The following TMEM87B variants were observed in gnomAD, a reference collection of about 807,000 sequenced individuals.
TMEM87B encodes transmembrane protein 87B.
A neutral mutation model predicts 80.3 loss-of-function variants in TMEM87B; 83 were observed. The observed-to-expected ratio is 1.03, with a 90% CI of 0.87 to 1.24. TMEM87B has a LOEUF of 1.24. Among genes scored for constraint, TMEM87B ranks in the 50% most tolerant of loss-of-function variants. The pLI, the probability that TMEM87B is intolerant of heterozygous loss-of-function variation, is 0.00. For synonymous variants in TMEM87B, 219 were observed against 230.5 expected (o/e 0.95, Z 0.45); for missense variants, 625 against 674.4 (o/e 0.93, Z 0.81).
chr2:112,074,249 T>TA (rs1678743721), intron 4 of TMEM87B, among the ~76,000 whole-genome samples: 1 of 152,226 alleles, frequency 6.6e-6, no homozygotes, highest in Non-Finnish European at 1.5e-5. Flanking sequence ...GGAGCTCTTG[T>TA]AAGGCAGGTC....
chr2:112,109,429 T>G (rs1419039972), intron 17 of TMEM87B, among the ~76,000 whole-genome samples: 1 of 152,164 alleles, frequency 6.6e-6, no homozygotes, highest in Non-Finnish European at 1.5e-5. Flanking sequence ...TATTTACTTT[T>G]CCTTCCTTTT....
At chr2:112,080,012 C>G (rs895627924) in intron 6 of TMEM87B, among the ~76,000 whole-genome samples, 1 of 145,648 alleles carries the variant, frequency 6.9e-6, no homozygotes, top group Non-Finnish European at 1.5e-5. Flanking sequence ...TCACTGCAAC[C>G]TCCACCTCCT....
In TMEM87B at chr2:112,091,870, C is replaced by A. The variant is rs1172163659; in HGVS notation, c.1104+87C>A. On this transcript the variant is annotated intron_variant, in intron 11 of 18. Transcript: ENST00000283206. ...TTTGTAATAACAATAGAAAGAAATACAGTTATGCATTTTTGTTACCTTAAT... is the reference window on the plus strand; with the variant it reads ...TTTGTAATAACAATAGAAAGAAATAAAGTTATGCATTTTTGTTACCTTAAT... 4 of 1,085,024 alleles carry A rather than the reference C, an allele frequency of 3.7e-6. No homozygotes were observed. The East Asian group carries it at 9.8e-5, about 27-fold the overall frequency. 67.2% of individuals were successfully genotyped at this position (1,085,024 alleles called of 1,614,324 possible).
At chr2:112,069,587 T>C (rs1558831638) in intron 4 of TMEM87B, among the ~76,000 whole-genome samples, 2 of 152,248 alleles carry the variant, frequency 1.3e-5, no homozygotes, top group African/African-American at 4.8e-5. Context: ...TTTAGGTTGA[T>C]TCCATATCTT....
At chr2:112,062,542 G>T (rs1420462769) in intron 2 of TMEM87B, among the ~76,000 whole-genome samples, 1 of 152,220 alleles carries the variant, frequency 6.6e-6, no homozygotes, top group Non-Finnish European at 1.5e-5. Flanking sequence ...GTTCTTCCCA[G>T]ATTGATCTAT....
Position 112,086,162 on chromosome 2 carries a change from A to G in TMEM87B, c.938+58A>G, listed in dbSNP as rs1423082706. ...CCCAGCCCAGTGATTCAGTCCGTCTACATTATGACCTTTGTGAAAATGGAA... is the reference window on the plus strand; with the variant it reads ...CCCAGCCCAGTGATTCAGTCCGTCTGCATTATGACCTTTGTGAAAATGGAA... On this transcript the variant is annotated intron_variant, in intron 9 of 18. Transcript: ENST00000283206. The G allele has an allele frequency of 1.0e-5, 14 of 1,370,654 alleles. No homozygotes were observed. In the East Asian group the frequency reaches 2.6e-4, roughly 25 times the overall value. The allele number at this position is 1,370,654 out of a possible 1,614,324, so 84.9% of individuals were successfully genotyped here. A position where few individuals can be genotyped will look rare whatever the true frequency, so the allele number is the denominator to read the frequency against.
At chr2:112,089,048 A>G (rs1378350677) in intron 9 of TMEM87B, among the ~76,000 whole-genome samples, 2 of 152,238 alleles carry the variant, frequency 1.3e-5, no homozygotes, top group Non-Finnish European at 2.9e-5. Flanking sequence ...GGCATGAGCC[A>G]CTGCGCCTCG....
rs1680073335 is a variant in TMEM87B, at chr2:112,118,144, C to G, written c.*2001C>G. The G allele has an allele frequency of 6.6e-6, 1 of 152,216 alleles. No individual in the cohort carries two copies. Among genetic ancestry groups the G allele is most frequent in the African/African-American group, 2.4e-5 (1 of 41,450 alleles). The allele number at this position is 152,216 out of a possible 1,614,324, so 9.4% of individuals were successfully genotyped here. The stretch of plus-strand genomic sequence containing the variant: ...AATACTGTTACTAGAAGGGCATGTG[C>G]TGTCTGTCACCTTCAGTAATATTTG... On this transcript the variant is annotated 3_prime_UTR_variant, in exon 19 of 19. Coordinates refer to ENST00000283206, the MANE Select transcript of TMEM87B (RefSeq NM_032824.3).
chr2:112,064,981 T>C (rs900612462), intron 3 of TMEM87B, among the ~76,000 whole-genome samples: 6 of 152,134 alleles, frequency 3.9e-5, no homozygotes, highest in Admixed American at 3.9e-4. Flanking sequence ...TAAATACATA[T>C]GAGATCTCTC....
chr2:112,107,999 A>G (rs944731020), intron 17 of TMEM87B, among the ~76,000 whole-genome samples, 159 bp downstream of exon 17: 1 of 152,184 alleles, frequency 6.6e-6, no homozygotes, highest in Non-Finnish European at 1.5e-5. Context: ...TGCAAAGAAA[A>G]CAAAACCCTG....
chr2:112,078,511 G>C (rs1300878754), intron 6 of TMEM87B, among the ~76,000 whole-genome samples: 2 of 152,156 alleles, frequency 1.3e-5, no homozygotes, highest in Non-Finnish European at 2.9e-5. Flanking sequence ...TATTCATGAG[G>C]ACAGAGCCCT....
chr2:112,083,371 G>A lies in TMEM87B; in HGVS notation c.838+1853G>A, dbSNP rs1227264718. Reference sequence around the variant, plus strand: ...CTGCTGTTTTCTGTGGTAGCCACAAGCCACATCTGGGTACTTAAGTAAAAT... The same window carrying A: ...CTGCTGTTTTCTGTGGTAGCCACAAACCACATCTGGGTACTTAAGTAAAAT... On this transcript the variant is annotated intron_variant, in intron 8 of 18. Transcript: ENST00000283206. Among the ~76,000 whole-genome samples the A allele has an allele frequency of 2.0e-5, 3 of 152,306 alleles. No homozygotes were observed. In the East Asian group the frequency reaches 5.8e-4, roughly 29 times the overall value.
intron 3 of TMEM87B, among the ~76,000 whole-genome samples, chr2:112,065,980 G>T (rs1184939637): frequency 6.6e-6 from 1 of 152,166 alleles, no homozygotes; most frequent in South Asian, 2.1e-4. Flanking sequence ...CTCATTTTTG[G>T]TGATGTTAAT....
chr2:112,113,029 T>A, intron 18 of TMEM87B, 100 bp downstream of exon 18: 1 of 1,107,226 alleles, frequency 9.0e-7, no homozygotes, highest in Non-Finnish European at 1.3e-6. Context: ...AAGATTATTA[T>A]AAATTGAACA....
chr2:112,069,160 C>T (rs1350490154), intron 4 of TMEM87B, among the ~76,000 whole-genome samples: 2 of 146,070 alleles, frequency 1.4e-5, no homozygotes, highest in Non-Finnish European at 3.0e-5. Context: ...CCACTGCAGT[C>T]CGCAGTCTGG....
chr2:112,090,488 A>G (rs1411573455), intron 10 of TMEM87B, among the ~76,000 whole-genome samples: 2 of 151,986 alleles, frequency 1.3e-5, no homozygotes, highest in Non-Finnish European at 2.9e-5. Context: ...GCGCAGTGGC[A>G]TGATCATGGC....
rs545258982 is a variant in TMEM87B at position 112,115,604 on chromosome 2, A to T, written c.1609-480A>T. Among the ~76,000 whole-genome samples the T allele has an allele frequency of 1.3e-4, 20 of 152,340 alleles. No individual in the cohort carries two copies. The South Asian group carries it at 4.1e-3, about 32-fold the overall frequency. On this transcript the variant is annotated intron_variant, in intron 18 of 18. Transcript: ENST00000283206. The stretch of plus-strand genomic sequence containing the variant: ...ATAATTCATTTGTAATTTCAATAAT[A>T]CATTAATTTAGTAAAGTGAGGCAAA...
chr2:112,117,634 C>G lies in TMEM87B; in HGVS notation c.*1491C>G, dbSNP rs916809481. On this transcript the variant is annotated 3_prime_UTR_variant, in exon 19 of 19. Transcript: ENST00000283206. ...GAGAAAATCATGCTTTTCAAGATGC[C>G]CTTGCTTTGGGATATCCTTCCTAGG... 1 of 151,394 alleles carries G rather than the reference C, an allele frequency of 6.6e-6. No individual in the cohort carries two copies. Among genetic ancestry groups the G allele is most frequent in the Non-Finnish European group, 1.5e-5 (1 of 67,848 alleles). 9.4% of individuals were successfully genotyped at this position (151,394 alleles called of 1,614,324 possible).
At chr2:112,107,528 A>G (rs1320512628) in intron 16 of TMEM87B, among the ~76,000 whole-genome samples, 1 of 152,074 alleles carries the variant, frequency 6.6e-6, no homozygotes, top group Non-Finnish European at 1.5e-5. Context: ...TTTTACTGTG[A>G]TTTCTCAGGA....
Sources: allele counts gnomAD v4.1 joint callset (sites outside exome capture counted in the v4.1 genomes callset), GRCh38; gene constraint gnomAD v4.1.1; transcripts MANE v1.5; gene names NCBI Gene and HGNC (gene_info 2026-07-23, HGNC 2026-07-21).